ANKRD30B: variants seen among roughly 807,000 people sequenced by gnomAD.
ANKRD30B encodes the protein ankyrin repeat domain-containing protein 30B.
A neutral mutation model predicts 202.2 loss-of-function variants in ANKRD30B; 144 were observed. The observed-to-expected ratio is 0.71, with a 90% CI of 0.62 to 0.82. The LOEUF is 0.82. Ranked by LOEUF, ANKRD30B falls within the 40% of genes least tolerant of loss-of-function variation. ANKRD30B has a pLI of 0.00. For missense variants in ANKRD30B, 1,487 were observed against 1,669.1 expected (o/e 0.89, Z 1.90); for synonymous variants, 508 against 561.3 (o/e 0.91, Z 1.34).
chr18:14,822,392 A>G, intron 30 of ANKRD30B, 91 bp from the exon 31 acceptor site: 2 of 902,440 alleles, frequency 2.2e-6, no homozygotes, highest in South Asian at 1.3e-5. Context: ...TCCAAGCATG[A>G]GGATTCATCT....
intron 34 of ANKRD30B, among the ~76,000 whole-genome samples, chr18:14,835,867 T>C (rs1008476215): frequency 2.6e-5 from 4 of 152,018 alleles, no homozygotes; most frequent in African/African-American, 9.6e-5. Flanking sequence ...ATTTCAAGGT[T>C]TTTATAAAGG....
At chr18:14,767,341 GT>G (rs1278296319) in intron 7 of ANKRD30B, among the ~76,000 whole-genome samples, 1 of 152,054 alleles carries the variant, frequency 6.6e-6, no homozygotes, top group East Asian at 1.9e-4. Context: ...ATATATACAT[GT>G]TTTTTCTATA....
At chr18:14,871,085 A>T in the ANKRD30B span, among the ~76,000 whole-genome samples, 1 of 74,578 alleles carries the variant, frequency 1.3e-5, no homozygotes, top group Admixed American at 1.5e-4. Flanking sequence ...ACAGACCCCC[A>T]CCCTCACCCG....
chr18:14,788,839 G>A (rs1412007751), intron 15 of ANKRD30B, among the ~76,000 whole-genome samples: 4 of 152,032 alleles, frequency 2.6e-5, no homozygotes, highest in Admixed American at 2.6e-4. Context: ...ATTGTGAATA[G>A]TGCCACAATA....
At chr18:14,883,355 C>CTG in the ANKRD30B span, among the ~76,000 whole-genome samples, 166 of 100,580 alleles carry the variant, frequency 1.7e-3, 2 homozygotes, top group Middle Eastern at 5.2e-3. Context: ...CTCTTTCTCT[C>CTG]TCTCTGTCTG....
At chr18:14,865,217 C>T in the ANKRD30B span, among the ~76,000 whole-genome samples, 2,496 of 151,736 alleles carry the variant, frequency 0.016, 44 homozygotes, top group African/African-American at 0.058. Flanking sequence ...CTTTCCTCCT[C>T]GCCACCCTCT....
chr18:14,799,634 T>A (rs1969183466), intron 22 of ANKRD30B, among the ~76,000 whole-genome samples: 1 of 152,136 alleles, frequency 6.6e-6, no homozygotes, highest in Non-Finnish European at 1.5e-5. Flanking sequence ...TGACTGGAAT[T>A]CTGATCTTTA....
the ANKRD30B span, chr18:14,888,837 ATG>A: frequency 1.1e-6 from 1 of 942,336 alleles, no homozygotes; most frequent in Non-Finnish European, 1.6e-6. Context: ...GCTGAGGCAT[ATG>A]TGTTGTAATG....
At chr18:14,887,515 A>T in the ANKRD30B span, among the ~76,000 whole-genome samples, 8 of 151,950 alleles carry the variant, frequency 5.3e-5, no homozygotes, top group Admixed American at 4.6e-4. Context: ...GTGGTGAAAG[A>T]TTTTTTACAT....
At position 14,748,640 on chromosome 18, in the gene ANKRD30B, G is replaced by A. The variant is rs1450735923; in HGVS notation, c.221G>A (p.Arg74Lys). 1 of 1,552,978 alleles carries A rather than the reference G, an allele frequency of 6.4e-7. No individual in the cohort carries two copies. Among genetic ancestry groups the A allele is most frequent in the South Asian group, 1.2e-5 (1 of 83,512 alleles). Residue 74 changes from arginine (R) to lysine (K), a missense_variant and splice_region_variant, in exon 1 of 44, where the codon AGG (arginine) becomes AAG (lysine). Around this residue, in one of 6 missense-constraint regions of ANKRD30B, gnomAD observed 889 missense variants for 841.4 expected, o/e 1.06. Transcript: ENST00000690538. ...VNLNKRDMKK[R>K]TALHWACVNG... is the part of the protein sequence containing the mutation. The stretch of plus-strand genomic sequence containing the variant: ...CTGAACAAAAGAGATATGAAGAAGA[G>A]GTACCAGGCCCTGCCTGAGCCGGGG...
the ANKRD30B span, among the ~76,000 whole-genome samples, chr18:14,881,768 T>A: frequency 6.6e-6 from 1 of 152,110 alleles, no homozygotes; most frequent in Non-Finnish European, 1.5e-5. Flanking sequence ...AATTACCATT[T>A]CAATCTTGCT....
At chr18:14,767,103 A>C (rs1483048511) in intron 7 of ANKRD30B, among the ~76,000 whole-genome samples, 1 of 152,212 alleles carries the variant, frequency 6.6e-6, no homozygotes, top group Admixed American at 6.5e-5. Flanking sequence ...TGGTAAGTAC[A>C]CATGCCAATA....
chr18:14,880,848 T>A, the ANKRD30B span, among the ~76,000 whole-genome samples: 1 of 152,190 alleles, frequency 6.6e-6, no homozygotes, highest in East Asian at 1.9e-4. Flanking sequence ...TTTGCAGCTA[T>A]TGTAAAAGGG....
chr18:14,833,635 CTAAT>C (rs1475384191), intron 34 of ANKRD30B, among the ~76,000 whole-genome samples: 1 of 152,094 alleles, frequency 6.6e-6, no homozygotes, highest in Non-Finnish European at 1.5e-5. Context: ...CCATGTTTAA[CTAAT>C]TGTCTTATTA....
intron 4 of ANKRD30B, among the ~76,000 whole-genome samples, chr18:14,756,580 C>T (rs1244318910): frequency 3.3e-5 from 5 of 152,062 alleles, no homozygotes; most frequent in Admixed American, 3.3e-4. Context: ...TTAATTTTTA[C>T]ACCTTATACA....
At chr18:14,809,046 T>C (rs1598654746) in intron 26 of ANKRD30B, among the ~76,000 whole-genome samples, 3 of 148,804 alleles carry the variant, frequency 2.0e-5, no homozygotes, top group Admixed American at 1.3e-4. Context: ...ACAGACAAGA[T>C]AGTGAAAGCT....
chr18:14,871,758 A>G, the ANKRD30B span, among the ~76,000 whole-genome samples: 4 of 152,140 alleles, frequency 2.6e-5, no homozygotes, highest in Non-Finnish European at 4.4e-5. Flanking sequence ...TTAGCCAGCC[A>G]TGGTGGCTAT....
the ANKRD30B span, among the ~76,000 whole-genome samples, chr18:14,899,171 A>T: frequency 6.6e-6 from 1 of 152,172 alleles, no homozygotes; most frequent in Non-Finnish European, 1.5e-5. Flanking sequence ...TTTCAAGGTT[A>T]TATTATAAAG....
the ANKRD30B span, among the ~76,000 whole-genome samples, chr18:14,875,167 A>G: frequency 5.9e-5 from 9 of 152,326 alleles, no homozygotes; most frequent in East Asian, 1.4e-3. Context: ...GCAGAAGAGC[A>G]GTCACAGGTC....
Sources: allele counts gnomAD v4.1 joint callset (sites outside exome capture counted in the v4.1 genomes callset), GRCh38; gene constraint gnomAD v4.1.1; regional missense constraint gnomAD v4.1.1; transcripts MANE v1.5; gene names NCBI Gene and HGNC (gene_info 2026-07-23, HGNC 2026-07-21).